The following IL1RAPL2 variants were observed in gnomAD, a reference collection of about 807,000 sequenced individuals.
The protein encoded by IL1RAPL2 is interleukin 1 receptor accessory protein like 2, also known as X-linked interleukin-1 receptor accessory protein-like 2.
IL1RAPL2 carries 3 observed loss-of-function variants against 44.1 expected under a neutral mutation model. The observed-to-expected ratio is 0.07, with a 90% CI of 0.03 to 0.18. The LOEUF is 0.18. IL1RAPL2 is among the 10% of genes least tolerant of loss of function. IL1RAPL2 has a pLI of 1.00. For missense variants in IL1RAPL2, 391 were observed against 496.4 expected (o/e 0.79, Z 2.02); for synonymous variants, 181 against 178.8 (o/e 1.01, Z -0.10).
intron 3 of IL1RAPL2, among the ~76,000 whole-genome samples, chrX:105,208,943 A>G (rs1194268379): frequency 1.8e-5 from 2 of 111,571 alleles, no homozygotes; most frequent in Non-Finnish European, 3.8e-5. Flanking sequence ...TTCCATACAT[A>G]CTGATTGTTG....
chrX:105,135,732 G>A (rs1448020459), intron 2 of IL1RAPL2, among the ~76,000 whole-genome samples: 1 of 111,661 alleles, frequency 9.0e-6, no homozygotes, highest in Non-Finnish European at 1.9e-5. Context: ...TAGCTTAGGG[G>A]TTTCATAAGG....
intron 7 of IL1RAPL2, among the ~76,000 whole-genome samples, chrX:105,719,896 T>C (rs1203878545): frequency 1.8e-5 from 2 of 112,018 alleles, no homozygotes. Context: ...GCAATTTTAA[T>C]TTAATATTTA....
chrX:105,594,447 G>T (rs2037193904), intron 6 of IL1RAPL2, among the ~76,000 whole-genome samples: 1 of 111,427 alleles, frequency 9.0e-6, no homozygotes, highest in African/African-American at 3.3e-5. Context: ...AGGTTTCTGG[G>T]TTATCTGTCT....
chrX:105,491,933 T>G (rs1190030653), intron 6 of IL1RAPL2, among the ~76,000 whole-genome samples: 1 of 112,035 alleles, frequency 8.9e-6, no homozygotes. Context: ...ACAATGTGAT[T>G]ACGAACATCT....
intron 6 of IL1RAPL2, among the ~76,000 whole-genome samples, chrX:105,547,858 C>A (rs1214769843): frequency 8.9e-6 from 1 of 112,416 alleles, no homozygotes; most frequent in Non-Finnish European, 1.9e-5. Context: ...GAAACAGATT[C>A]TATCTCTTGA....
intron 5 of IL1RAPL2, among the ~76,000 whole-genome samples, chrX:105,468,316 A>C (rs747874277): frequency 6.3e-5 from 7 of 111,891 alleles, no homozygotes; most frequent in Non-Finnish European, 1.1e-4. Flanking sequence ...ACTAAAACTC[A>C]GACTTATGAT....
chrX:105,720,213 G>A (rs1316214939), intron 7 of IL1RAPL2, among the ~76,000 whole-genome samples: 1 of 111,794 alleles, frequency 8.9e-6, no homozygotes, highest in Non-Finnish European at 1.9e-5. Context: ...CTTTATCAGA[G>A]TATAATTGAC....
At chrX:104,937,091 T>C (rs1925047197) in intron 2 of IL1RAPL2, among the ~76,000 whole-genome samples, 1 of 112,290 alleles carries the variant, frequency 8.9e-6, no homozygotes, top group Non-Finnish European at 1.9e-5. Context: ...CAAATACTTT[T>C]AAACATTTGG....
At chrX:105,055,581 T>C (rs2031981658) in intron 2 of IL1RAPL2, among the ~76,000 whole-genome samples, 1 of 112,144 alleles carries the variant, frequency 8.9e-6, no homozygotes, top group Non-Finnish European at 1.9e-5. Flanking sequence ...TATCTGTATA[T>C]AGGAACTACA....
chrX:105,665,344 CGT>C (rs58453498), intron 6 of IL1RAPL2, among the ~76,000 whole-genome samples: 9,461 of 97,938 alleles, frequency 0.097, 398 homozygotes, highest in African/African-American at 0.16. Flanking sequence ...TATGCGCGTG[CGT>C]GTGTGTGTGT....
At chrX:105,479,401 A>G (rs1295544641) in intron 5 of IL1RAPL2, among the ~76,000 whole-genome samples, 7 of 111,513 alleles carry the variant, frequency 6.3e-5, no homozygotes, top group African/African-American at 2.3e-4. Flanking sequence ...GAATGAGGAA[A>G]GTAAGTTGTC....
chrX:105,564,684 C>T (rs772069679), intron 6 of IL1RAPL2, among the ~76,000 whole-genome samples: 7 of 111,719 alleles, frequency 6.3e-5, no homozygotes, highest in South Asian at 7.4e-4. Context: ...AGCCAAATGG[C>T]GCATTGCTTG....
intron 5 of IL1RAPL2, among the ~76,000 whole-genome samples, chrX:105,302,351 A>G (rs1282770195): frequency 8.9e-6 from 1 of 111,874 alleles, no homozygotes; most frequent in Non-Finnish European, 1.9e-5. Context: ...TTTGCTGTGC[A>G]GACACTTCTT....
intron 2 of IL1RAPL2, among the ~76,000 whole-genome samples, chrX:104,983,478 TATA>T (rs1224689381): frequency 4.0e-5 from 4 of 100,421 alleles, no homozygotes; most frequent in South Asian, 4.0e-4. Flanking sequence ...CATAATATTA[TATA>T]ATATTATATT....
chrX:104,786,252 C>T (rs1170149647), intron 2 of IL1RAPL2, among the ~76,000 whole-genome samples: 1 of 111,342 alleles, frequency 9.0e-6, no homozygotes, highest in Non-Finnish European at 1.9e-5. Flanking sequence ...TATTGGCATC[C>T]CCGGATTTTG....
At chrX:105,040,197 A>G (rs1458702625) in intron 2 of IL1RAPL2, among the ~76,000 whole-genome samples, 3 of 111,447 alleles carry the variant, frequency 2.7e-5, no homozygotes, top group African/African-American at 9.8e-5. Context: ...CGATTTGCGT[A>G]TATTGAACCA....
chrX:104,995,060 T>C (rs1209111443), intron 2 of IL1RAPL2, among the ~76,000 whole-genome samples: 1 of 111,057 alleles, frequency 9.0e-6, no homozygotes, highest in Non-Finnish European at 1.9e-5. Flanking sequence ...AGAGAGGCCT[T>C]CCCTGACTAC....
intron 2 of IL1RAPL2, among the ~76,000 whole-genome samples, chrX:104,947,165 A>G (rs1925403238): frequency 8.9e-6 from 1 of 112,182 alleles, no homozygotes; most frequent in Non-Finnish European, 1.9e-5. Context: ...TCTGATGGCC[A>G]GTGATGATGA....
chrX:105,164,801 A>T lies in IL1RAPL2; in HGVS notation c.83-30674A>T, dbSNP rs186361297. Among the ~76,000 whole-genome samples the T allele has an allele frequency of 5.1e-3, 577 of 112,201 alleles. 7 individuals are homozygous for T. Among genetic ancestry groups the T allele is most frequent in the African/African-American group, 0.018 (551 of 30,954 alleles). On this transcript the variant is annotated intron_variant, in intron 2 of 10. Coordinates refer to ENST00000372582, the MANE Select transcript of IL1RAPL2 (RefSeq NM_017416.2). ...ATACACTCTCTGCCTTTATTTCACC[A>T]TCTGTAAATAAGGTTACTAACAACA...
Sources: allele counts gnomAD v4.1 joint callset (sites outside exome capture counted in the v4.1 genomes callset), GRCh38; gene constraint gnomAD v4.1.1; transcripts MANE v1.5; gene names NCBI Gene and HGNC (gene_info 2026-07-23, HGNC 2026-07-21).